The following GAB4 variants were observed in gnomAD, a reference collection of about 807,000 sequenced individuals.
GAB4 encodes GRB2 associated binding protein family member 4.
In GAB4, 26 loss-of-function variants were observed where a neutral mutation model predicts 51.3. That is an observed-to-expected ratio of 0.51 (90% CI 0.37 to 0.70). The LOEUF (loss-of-function observed/expected upper bound fraction) is 0.70, where lower values mean the gene tolerates loss of function less well. Among genes scored for constraint, GAB4 ranks in the 30% least tolerant of loss-of-function variants. The probability of loss-of-function intolerance (pLI) is 0.00; values close to 1 mark genes in which losing one functional copy is unlikely to be tolerated. For missense variants in GAB4, 759 were observed against 734.6 expected (o/e 1.03, Z -0.38); for synonymous variants, 329 against 291.2 (o/e 1.13, Z -1.32).
At chr22:16,991,326 AAAGCCTGCT>A (rs1420977418) in intron 2 of GAB4, among the ~76,000 whole-genome samples, 1 of 152,020 alleles carries the variant, frequency 6.6e-6, no homozygotes, top group African/African-American at 2.4e-5. Context: ...AAAAAAAAAA[AAAGCCTGCT>A]GCTCCTCAAC....
chr22:16,982,985 T>C (rs1350427155), intron 3 of GAB4, among the ~76,000 whole-genome samples: 1 of 152,190 alleles, frequency 6.6e-6, no homozygotes, highest in Non-Finnish European at 1.5e-5. Context: ...ATAAAACCCC[T>C]AGTGGCCTCT....
chr22:16,969,094 T>G (rs1404748465), intron 4 of GAB4, among the ~76,000 whole-genome samples: 1 of 152,264 alleles, frequency 6.6e-6, no homozygotes, highest in African/African-American at 2.4e-5. Context: ...GAGGAGGTTA[T>G]ATGCAGATAT....
Position 17,008,117 on chromosome 22 carries a change from G to A in GAB4, c.-3C>T, listed in dbSNP as rs750374571. 1.3e-5 allele frequency: 20 copies of A among 1,596,792 alleles called. No homozygotes were observed. The East Asian group carries it at 4.1e-4, about 32-fold the overall frequency. On this transcript the variant is annotated 5_prime_UTR_variant, in exon 1 of 10. Coordinates refer to ENST00000400588, the MANE Select transcript of GAB4 (RefSeq NM_001037814.1). ...GGTGAGGGGGACGGCAGGGACATGG[G>A]GGCTGCAGCTCACAGTGAAGGTGGG... is the stretch of plus-strand genomic sequence containing the variant.
At chr22:16,964,294 CT>C (rs2060653191) in intron 8 of GAB4, among the ~76,000 whole-genome samples, 1 of 152,188 alleles carries the variant, frequency 6.6e-6, no homozygotes, top group Non-Finnish European at 1.5e-5. Context: ...GTTTTGGCTG[CT>C]TTGCTGGCTG....
At chr22:16,980,386 C>T (rs1324624301) in intron 3 of GAB4, among the ~76,000 whole-genome samples, 7 of 152,134 alleles carry the variant, frequency 4.6e-5, no homozygotes, top group Non-Finnish European at 8.8e-5. Flanking sequence ...GACATTTATG[C>T]AGCCCACAAA....
intron 1 of GAB4, among the ~76,000 whole-genome samples, chr22:16,992,440 T>C (rs190881296): frequency 5.3e-4 from 81 of 152,282 alleles, no homozygotes; most frequent in African/African-American, 1.7e-3. Flanking sequence ...GGACACTTTA[T>C]AGCAACAATT....
chr22:16,976,664 G>C (rs748012859), intron 3 of GAB4, among the ~76,000 whole-genome samples: 9 of 152,072 alleles, frequency 5.9e-5, no homozygotes, highest in Non-Finnish European at 1.3e-4. Flanking sequence ...AGGAAATACA[G>C]AGAACACCAC....
At chr22:16,986,147 G>A (rs1264544157) in intron 3 of GAB4, among the ~76,000 whole-genome samples, 1 of 152,210 alleles carries the variant, frequency 6.6e-6, no homozygotes, top group African/African-American at 2.4e-5. Context: ...GAGTACAGGT[G>A]GTGGTGGCTG....
In GAB4 at chr22:16,992,164, G is replaced by C. The variant is rs1461505978; in HGVS notation, c.187C>G (p.Arg63Gly). The C allele has an allele frequency of 6.2e-7, 1 of 1,608,700 alleles. No individual in the cohort carries two copies. Among genetic ancestry groups the C allele is most frequent in the Non-Finnish European group, 8.5e-7 (1 of 1,175,976 alleles). Residue 63 changes from arginine to glycine, a missense_variant, in exon 2 of 10, where the codon CGC (arginine) becomes GGC (glycine). Physicochemically the swap from Arg to Gly is moderately radical, Grantham distance 125. This residue lies in a region of GAB4 where 88 missense variants were observed against 151.3 expected (regional missense o/e 0.58). Transcript: ENST00000400588. ...KKLRLFAWRK[R>G]WFILRRGQTS... ...TGGCCCCTCCGCAGGATAAACCAGC[G>C]TTTCCTCCAGGCCTAAGGAAGGAGT...
intron 3 of GAB4, among the ~76,000 whole-genome samples, chr22:16,979,117 G>C (rs2060805683): frequency 6.6e-6 from 1 of 152,112 alleles, no homozygotes; most frequent in Admixed American, 6.5e-5. Context: ...TTTGAAAACT[G>C]GCACAAGACA....
chr22:16,977,315 G>A (rs910212331), intron 3 of GAB4, among the ~76,000 whole-genome samples: 12 of 150,558 alleles, frequency 8.0e-5, no homozygotes, highest in Admixed American at 4.0e-4. Context: ...CAAAATAATA[G>A]GATGAAGGAA....
intron 5 of GAB4, chr22:16,967,470 G>C (rs150227234): frequency 2.6e-5 from 4 of 152,350 alleles, no homozygotes; most frequent in Non-Finnish European, 4.4e-5. Flanking sequence ...GATCACATCA[G>C]ATGTCTTGGC....
chr22:17,002,975 G>T (rs1170900676), intron 1 of GAB4, among the ~76,000 whole-genome samples: 2 of 152,110 alleles, frequency 1.3e-5, no homozygotes, highest in Non-Finnish European at 2.9e-5. Context: ...CAAAATAAAG[G>T]GATGGAAGAA....
intron 1 of GAB4, among the ~76,000 whole-genome samples, 195 bp downstream of exon 1, chr22:17,007,745 CT>C (rs2061053131): frequency 6.6e-6 from 1 of 152,302 alleles, no homozygotes. Context: ...AATCAACTCC[CT>C]GGGTCTCGGA....
At chr22:16,965,056 A>T (rs2060660868) in intron 7 of GAB4, 122 bp downstream of exon 7, 3 of 774,332 alleles carry the variant, frequency 3.9e-6, no homozygotes, top group Non-Finnish European at 4.2e-6. Flanking sequence ...AGACGGAGAC[A>T]GGATCAGCCA....
In GAB4 at chr22:16,965,414, G is replaced by C. The variant is rs903040089; in HGVS notation, c.1289-146C>G. 5 of 656,424 alleles carry C rather than the reference G, an allele frequency of 7.6e-6. No individual in the cohort carries two copies. In the African/African-American group the frequency reaches 9.2e-5, roughly 12 times the overall value. The allele number at this position is 656,424 out of a possible 1,614,324, so 40.7% of individuals were successfully genotyped here. Reference sequence around the variant, plus strand: ...GTGCGGGGGACTGAGGCTTGGCAAGGCTCTATCGGCTGGGTCATGCTGAAG... The same window carrying C: ...GTGCGGGGGACTGAGGCTTGGCAAGCCTCTATCGGCTGGGTCATGCTGAAG... On this transcript the variant is annotated intron_variant, in intron 6 of 9. Coordinates refer to ENST00000400588, the MANE Select transcript of GAB4 (RefSeq NM_001037814.1).
chr22:16,993,290 G>A lies in GAB4; in HGVS notation c.175-1114C>T, dbSNP rs112401805. 9.5e-3 allele frequency among the ~76,000 whole-genome samples: 1,447 copies of A among 152,070 alleles called. 14 individuals are homozygous for A. The highest frequency in any genetic ancestry group is 0.016 in the Non-Finnish European group (1,060 of 67,958). ...CATTTACCTCTTTGGAGCTTGTCTCGGCTATTGGAATCACCACCACCACCA... is the reference window on the plus strand; with the variant it reads ...CATTTACCTCTTTGGAGCTTGTCTCAGCTATTGGAATCACCACCACCACCA... On this transcript the variant is annotated intron_variant, in intron 1 of 9. Coordinates refer to ENST00000400588, the MANE Select transcript of GAB4 (RefSeq NM_001037814.1).
At chr22:17,001,605 G>T (rs116361241) in intron 1 of GAB4, among the ~76,000 whole-genome samples, 3,039 of 152,272 alleles carry the variant, frequency 0.02, 101 homozygotes, top group African/African-American at 0.07. Context: ...GCTCGGAGAA[G>T]TTCATTATTA....
chr22:16,963,517 C>T (rs117673209), intron 9 of GAB4, among the ~76,000 whole-genome samples: 1,603 of 152,180 alleles, frequency 0.011, 13 homozygotes, highest in Admixed American at 0.02. Flanking sequence ...AATGGGGAGT[C>T]GGGGCAGGCT....
Sources: gnomAD v4.1 joint callset for allele counts (sites outside exome capture counted in the v4.1 genomes callset) on GRCh38, gnomAD v4.1.1 for gene constraint, gnomAD v4.1.1 regional missense constraint, MANE v1.5 for transcripts, NCBI Gene and HGNC (gene_info 2026-07-23, HGNC 2026-07-21) for gene names.